The following ANO3 variants were observed in gnomAD, a reference collection of about 807,000 sequenced individuals.
The protein encoded by ANO3 is anoctamin-3.
In ANO3, 99 loss-of-function variants were observed where a neutral mutation model predicts 144.8. The observed-to-expected ratio is 0.68, with a 90% CI of 0.58 to 0.81. The LOEUF is 0.81. ANO3 is among the 30% of genes least tolerant of loss of function. The pLI is 0.00. For synonymous variants in ANO3, 414 were observed against 392.6 expected (o/e 1.05, Z -0.64); for missense variants, 905 against 1,202.2 (o/e 0.75, Z 3.66).
intron 1 of ANO3, among the ~76,000 whole-genome samples, chr11:26,217,610 AC>A (rs994501327): frequency 4.6e-5 from 7 of 152,012 alleles, no homozygotes; most frequent in African/African-American, 7.2e-5. Context: ...TAATGCATAT[AC>A]ATAGGGGTGA....
At chr11:26,277,830 T>C (rs1339216616) in intron 1 of ANO3, among the ~76,000 whole-genome samples, 1 of 152,050 alleles carries the variant, frequency 6.6e-6, no homozygotes, top group Non-Finnish European at 1.5e-5. Context: ...TTTTGGACAA[T>C]CTTCTTAAAG....
At chr11:26,634,147 A>C in intron 18 of ANO3, 57 bp from the exon 19 acceptor site, 1 of 995,912 alleles carries the variant, frequency 1.0e-6, no homozygotes, top group East Asian at 2.5e-5. Flanking sequence ...CTCCATGTCC[A>C]GAGTCTTGAT....
intron 1 of ANO3, among the ~76,000 whole-genome samples, chr11:26,342,122 G>C (rs1468402597): frequency 6.6e-6 from 1 of 152,206 alleles, no homozygotes; most frequent in Non-Finnish European, 1.5e-5. Flanking sequence ...GAAGGGCAGA[G>C]AAGTTAAATC....
intron 1 of ANO3, among the ~76,000 whole-genome samples, chr11:26,204,585 G>T (rs943954576): frequency 6.6e-6 from 1 of 152,128 alleles, no homozygotes; most frequent in South Asian, 2.1e-4. Flanking sequence ...GTTCACATGC[G>T]CATGGGTGAG....
At chr11:26,598,783 A>G in intron 15 of ANO3, 75 bp from the exon 16 acceptor site, 1 of 1,462,040 alleles carries the variant, frequency 6.8e-7, no homozygotes, top group Non-Finnish European at 9.2e-7. Context: ...ATTTAGGAGT[A>G]TCGTATCAAT....
intron 4 of ANO3, among the ~76,000 whole-genome samples, chr11:26,484,682 G>A (rs569102540): frequency 6.6e-6 from 1 of 152,152 alleles, no homozygotes; most frequent in Non-Finnish European, 1.5e-5. Flanking sequence ...ATAGACCCCA[G>A]AATGTTAAAT....
chr11:26,352,366 A>G (rs1855670294), intron 1 of ANO3, among the ~76,000 whole-genome samples: 1 of 152,080 alleles, frequency 6.6e-6, no homozygotes, highest in Non-Finnish European at 1.5e-5. Context: ...TCCTGTCTAT[A>G]TTTTATTTTT....
At chr11:26,650,827 G>C (rs535113280) in intron 24 of ANO3, among the ~76,000 whole-genome samples, 10 of 152,276 alleles carry the variant, frequency 6.6e-5, no homozygotes, top group African/African-American at 2.4e-4. Flanking sequence ...GATCGTTGGA[G>C]TTACAAACTG....
intron 14 of ANO3, among the ~76,000 whole-genome samples, chr11:26,589,132 C>T (rs1330246756): frequency 6.6e-6 from 1 of 152,196 alleles, no homozygotes; most frequent in Non-Finnish European, 1.5e-5. Context: ...TGGAGAGTAA[C>T]TAGCAAGAGT....
intron 1 of ANO3, among the ~76,000 whole-genome samples, chr11:26,407,075 TG>T (rs1857306805): frequency 7.5e-6 from 1 of 134,152 alleles, no homozygotes; most frequent in African/African-American, 2.8e-5. Flanking sequence ...TGTGTGTGTG[TG>T]TATATATATA....
intron 14 of ANO3, among the ~76,000 whole-genome samples, chr11:26,582,318 A>G (rs908786504): frequency 6.6e-6 from 1 of 152,240 alleles, no homozygotes; most frequent in Non-Finnish European, 1.5e-5. Flanking sequence ...CTGAGGTACT[A>G]TATCCAGTTC....
chr11:26,579,912 T>A (rs1043166871), intron 14 of ANO3, among the ~76,000 whole-genome samples: 67 of 152,020 alleles, frequency 4.4e-4, no homozygotes, highest in African/African-American at 1.6e-3. Flanking sequence ...GAGGATGTAA[T>A]GAGTAGACAT....
chr11:26,648,609 C>G (rs570788648), intron 24 of ANO3, among the ~76,000 whole-genome samples: 21 of 152,260 alleles, frequency 1.4e-4, no homozygotes, highest in African/African-American at 5.1e-4. Context: ...GACAAAATGA[C>G]CCAGTTTAGA....
chr11:26,521,861 A>C (rs1373257761), intron 6 of ANO3, among the ~76,000 whole-genome samples: 2 of 152,148 alleles, frequency 1.3e-5, no homozygotes, highest in East Asian at 3.9e-4. Context: ...AAATATTTTA[A>C]ACAAAGCAAA....
At chr11:26,502,000 A>G (rs144602460) in intron 4 of ANO3, among the ~76,000 whole-genome samples, 1 of 152,218 alleles carries the variant, frequency 6.6e-6, no homozygotes, top group East Asian at 1.9e-4. Flanking sequence ...GAATTCTTTT[A>G]CTGCACTTTG....
At chr11:26,573,326 A>G (rs1251101488) in intron 14 of ANO3, among the ~76,000 whole-genome samples, 1 of 152,166 alleles carries the variant, frequency 6.6e-6, no homozygotes, top group Non-Finnish European at 1.5e-5. Flanking sequence ...CAACCCCGAA[A>G]AAATATTGTC....
intron 14 of ANO3, among the ~76,000 whole-genome samples, chr11:26,587,908 A>T (rs2132880573): frequency 6.7e-6 from 1 of 149,656 alleles, no homozygotes; most frequent in South Asian, 2.2e-4. Context: ...GTGAGCCGAG[A>T]TCATGGGTGA....
intron 17 of ANO3, among the ~76,000 whole-genome samples, chr11:26,616,150 T>A (rs1590635382): frequency 6.6e-6 from 1 of 152,312 alleles, no homozygotes; most frequent in East Asian, 1.9e-4. Flanking sequence ...CTATGAATTA[T>A]AAAATCAGTA....
intron 1 of ANO3, among the ~76,000 whole-genome samples, chr11:26,279,517 T>C (rs563034008): frequency 6.6e-6 from 1 of 152,274 alleles, no homozygotes; most frequent in Non-Finnish European, 1.5e-5. Flanking sequence ...CCTATTAAAA[T>C]GGGCAAAGGA....
Sources: allele counts gnomAD v4.1 joint callset (sites outside exome capture counted in the v4.1 genomes callset), GRCh38; gene constraint gnomAD v4.1.1; transcripts MANE v1.5; gene names NCBI Gene and HGNC (gene_info 2026-07-23, HGNC 2026-07-21).